COBLL1: variants seen among roughly 807,000 people sequenced by gnomAD.
The protein encoded by COBLL1 is cordon-bleu WH2 repeat protein like 1.
COBLL1 carries 50 observed loss-of-function variants against 94.8 expected under a neutral mutation model. The observed-to-expected ratio is 0.53, with a 90% CI of 0.42 to 0.67. COBLL1 has a LOEUF of 0.67. COBLL1 is among the 30% of genes least tolerant of loss of function. The probability of loss-of-function intolerance (pLI) is 0.00; values close to 1 mark genes in which losing one functional copy is unlikely to be tolerated. For synonymous variants in COBLL1, 448 were observed against 473.8 expected (o/e 0.95, Z 0.71); for missense variants, 1,362 against 1,348.7 (o/e 1.01, Z -0.15).
chr2:164,758,659 C>G (rs1242977101), intron 2 of COBLL1, among the ~76,000 whole-genome samples: 1 of 151,880 alleles, frequency 6.6e-6, no homozygotes, highest in Admixed American at 6.6e-5. Context: ...ACTGACACTA[C>G]AATTAAATTT....
chr2:164,682,356 G>T lies in COBLL1; in HGVS notation c.*3590C>A, dbSNP rs967707781. 2.0e-5 allele frequency: 3 copies of T among 152,170 alleles called. No individual in the cohort carries two copies. Among genetic ancestry groups the T allele is most frequent in the African/African-American group, 7.2e-5 (3 of 41,452 alleles). The allele number at this position is 152,170 out of a possible 1,614,324, so 9.4% of individuals were successfully genotyped here. On this transcript the variant is annotated 3_prime_UTR_variant, in exon 14 of 14. Transcript: ENST00000652658. The stretch of plus-strand genomic sequence containing the variant: ...AGTAGATTTTAAAAATGATGAGTTT[G>T]ATTCTTAGTTCTTTGATACTTATTT...
chr2:164,737,379 T>C (rs1252079525), intron 3 of COBLL1, among the ~76,000 whole-genome samples: 1 of 151,942 alleles, frequency 6.6e-6, no homozygotes, highest in African/African-American at 2.4e-5. Context: ...ATGGGGGACA[T>C]GGGAGGGCAA....
chr2:164,781,094 A>G (rs1301463400), intron 2 of COBLL1, among the ~76,000 whole-genome samples: 1 of 152,248 alleles, frequency 6.6e-6, no homozygotes, highest in Non-Finnish European at 1.5e-5. Flanking sequence ...TGTAATTATA[A>G]AAGTTTACTG....
intron 2 of COBLL1, among the ~76,000 whole-genome samples, chr2:164,794,758 C>T (rs1369076607): frequency 6.6e-6 from 1 of 151,744 alleles, no homozygotes; most frequent in East Asian, 1.9e-4. Flanking sequence ...TTTCAACCCC[C>T]TCATGAAGAC....
At chr2:164,660,191 T>G (rs780092292) in intron 2 of COBLL1, among the ~76,000 whole-genome samples, 4 of 152,178 alleles carry the variant, frequency 2.6e-5, no homozygotes, top group Non-Finnish European at 5.9e-5. Context: ...TGGACTCTGA[T>G]AGCATAGCAC....
Position 164,711,084 on chromosome 2 carries a change from G to A in COBLL1, c.997-5979C>T, listed in dbSNP as rs578119944. Among the ~76,000 whole-genome samples, 8 of 152,236 alleles carry A rather than the reference G, an allele frequency of 5.3e-5. No individual in the cohort carries two copies. The East Asian group carries it at 1.2e-3, about 22-fold the overall frequency. ...AATGGGTTTTGGAGTCAATACAAGC[G>A]GTTGAACCAGGAAACATGCCATTTA... On this transcript the variant is annotated intron_variant, in intron 7 of 13. Coordinates refer to ENST00000652658, the MANE Select transcript of COBLL1 (RefSeq NM_001365672.2).
intron 2 of COBLL1, among the ~76,000 whole-genome samples, chr2:164,779,168 C>T (rs879853860): frequency 3.3e-5 from 5 of 151,902 alleles, no homozygotes; most frequent in Non-Finnish European, 7.4e-5. Context: ...AAATTACTTT[C>T]CTATTCCTAA....
chr2:164,727,057 A>G (rs1685753250), intron 5 of COBLL1: 1 of 960,498 alleles, frequency 1.0e-6, no homozygotes, highest in African/African-American at 1.7e-5. Context: ...TAATTTCAAT[A>G]TATCCAATTT....
At chr2:164,717,985 A>G (rs932241779) in intron 7 of COBLL1, among the ~76,000 whole-genome samples, 18 of 152,360 alleles carry the variant, frequency 1.2e-4, no homozygotes, top group African/African-American at 4.1e-4. Flanking sequence ...TTTCTATAAA[A>G]GCTTAAGAAA....
At chr2:164,755,485 C>T (rs946498852) in intron 2 of COBLL1, among the ~76,000 whole-genome samples, 1 of 152,008 alleles carries the variant, frequency 6.6e-6, no homozygotes, top group African/African-American at 2.4e-5. Flanking sequence ...GTTGTTATAC[C>T]TCTCTCAAAT....
In COBLL1 at chr2:164,722,119, C is replaced by T. The variant is rs140199954; in HGVS notation, c.952G>A (p.Ala318Thr). The T allele has an allele frequency of 4.8e-4, 775 of 1,612,906 alleles. 3 individuals carry two copies. In the African/African-American group the frequency reaches 6.4e-3, roughly 13 times the overall value. ...CTCATGGATTTCACTATACAAGAAG[C>T]AGGCCTCTCCTGGATGTGTGCAAGG... is the stretch of plus-strand genomic sequence containing the variant. ...QDLAHIQERP[A>T]SCIVKSMSVD... is the part of the protein sequence containing the mutation. Residue 318 changes from alanine (A) to threonine (T), a missense_variant, in exon 7 of 14, where the codon GCT becomes ACT. By Grantham distance (58) the Ala-to-Thr change is moderately conservative. Transcript: ENST00000652658.
chr2:164,660,942 C>T (rs1010675874), intron 2 of COBLL1, among the ~76,000 whole-genome samples: 7 of 152,090 alleles, frequency 4.6e-5, no homozygotes, highest in African/African-American at 1.7e-4. Flanking sequence ...GAGACTGTAC[C>T]TGTGAAGTTA....
chr2:164,822,606 T>C (rs1041336485), intron 2 of COBLL1, among the ~76,000 whole-genome samples: 1 of 152,070 alleles, frequency 6.6e-6, no homozygotes, highest in South Asian at 2.1e-4. Flanking sequence ...TCAAGAGAAG[T>C]TGATGTTAAC....
chr2:164,743,548 C>CT lies in COBLL1; in HGVS notation c.230+138dup, dbSNP rs201476254. 2.2e-3 allele frequency: 1,502 copies of CT among 674,800 alleles called. 3 individuals carry two copies. The highest frequency in any genetic ancestry group is 9.1e-3 in the Admixed American group (304 of 33,354). 41.8% of individuals were successfully genotyped at this position (674,800 alleles called of 1,614,324 possible). On this transcript the variant is annotated intron_variant, in intron 3 of 13. Coordinates refer to ENST00000652658, the MANE Select transcript of COBLL1 (RefSeq NM_001365672.2). ...AAATTTTTAACACCATTTTAGCAGT[C>CT]TTTTTTTTTAACAGGTAACTAAACT... is the stretch of plus-strand genomic sequence containing the variant.
rs149053731 is a variant in COBLL1, at chr2:164,716,914, A to C, written c.996+5161T>G. On this transcript the variant is annotated intron_variant, in intron 7 of 13. Coordinates refer to ENST00000652658, the MANE Select transcript of COBLL1 (RefSeq NM_001365672.2). Reference sequence around the variant, plus strand: ...TGGTTGACAAAATTTTTCCTAAGCTACAGATTTACTGACATCAGTAAACCT... The same window carrying C: ...TGGTTGACAAAATTTTTCCTAAGCTCCAGATTTACTGACATCAGTAAACCT... Among the ~76,000 whole-genome samples the C allele has an allele frequency of 7.1e-3, 1,088 of 152,310 alleles. 6 individuals are homozygous for C. Among genetic ancestry groups the C allele is most frequent in the Middle Eastern group, 0.02 (6 of 294 alleles).
chr2:164,816,059 CAAAAACATAG>C (rs1684728421), intron 2 of COBLL1, among the ~76,000 whole-genome samples: 1 of 151,794 alleles, frequency 6.6e-6, no homozygotes, highest in Non-Finnish European at 1.5e-5. Context: ...AGCTTGTACG[CAAAAACATAG>C]AAGACAGAAG....
At chr2:164,679,055 A>C (rs1682920983), downstream of COBLL1, among the ~76,000 whole-genome samples, 1 of 152,180 alleles carries the variant, frequency 6.6e-6, no homozygotes, top group Admixed American at 6.5e-5. Flanking sequence ...CCAGATCACC[A>C]GTCCCTTTAC....
At chr2:164,741,261 G>A (rs935208573) in intron 3 of COBLL1, among the ~76,000 whole-genome samples, 5 of 152,018 alleles carry the variant, frequency 3.3e-5, no homozygotes, top group Admixed American at 2.0e-4. Flanking sequence ...GCGCAACAGA[G>A]CAAGACTGTC....
chr2:164,828,720 C>G (rs187395782), intron 2 of COBLL1, among the ~76,000 whole-genome samples: 1 of 152,112 alleles, frequency 6.6e-6, no homozygotes, highest in Non-Finnish European at 1.5e-5. Flanking sequence ...GACATTTTAA[C>G]GGAATTAATT....
Sources: gnomAD v4.1 joint callset for allele counts (sites outside exome capture counted in the v4.1 genomes callset) on GRCh38, gnomAD v4.1.1 for gene constraint, MANE v1.5 for transcripts, NCBI Gene and HGNC (gene_info 2026-07-23, HGNC 2026-07-21) for gene names.